The following CNGA3 variants were observed in gnomAD, a reference collection of about 807,000 sequenced individuals.
The protein encoded by CNGA3 is cyclic nucleotide gated channel subunit alpha 3.
A neutral mutation model predicts 46.6 loss-of-function variants in CNGA3; 42 were observed. The ratio of observed to expected loss-of-function variants is 0.90; its 90% CI spans 0.70 to 1.17. The LOEUF (loss-of-function observed/expected upper bound fraction) is 1.17, where lower values mean the gene tolerates loss of function less well. Ranked by LOEUF, CNGA3 falls within the 50% of genes most tolerant of loss-of-function variation. The pLI is 0.00. For missense variants in CNGA3, 893 were observed against 890.7 expected (o/e 1.00, Z -0.03); for synonymous variants, 394 against 369.4 (o/e 1.07, Z -0.76).
rs181276145 is a variant in CNGA3 at position 98,362,954 on chromosome 2, A to T, written c.-37-6985A>T. ...TTTGGTCAGATTTGTTAAAGATCAG[A>T]TGGTTGTAGATGTGTGGTCTTATTT... On this transcript the variant is annotated intron_variant, in intron 1 of 7. Coordinates refer to ENST00000272602, the MANE Select transcript of CNGA3 (RefSeq NM_001298.3). Among the ~76,000 whole-genome samples, 280 of 152,286 alleles carry T rather than the reference A, an allele frequency of 1.8e-3. 1 individual carries two copies. Among genetic ancestry groups the T allele is most frequent in the Middle Eastern group, 6.8e-3 (2 of 294 alleles).
intron 5 of CNGA3, among the ~76,000 whole-genome samples, chr2:98,385,196 A>C (rs1692624713): frequency 6.6e-6 from 1 of 152,164 alleles, no homozygotes; most frequent in Non-Finnish European, 1.5e-5. Context: ...TGCACAAGGC[A>C]AGCTGAGTCC....
chr2:98,347,045 G>C (rs1021312741), intron 1 of CNGA3: 2 of 152,144 alleles, frequency 1.3e-5, no homozygotes, highest in African/African-American at 2.4e-5. Flanking sequence ...CGGGCGCCGC[G>C]TCTTCTCGAG....
At chr2:98,352,702 A>G (rs183222996) in intron 1 of CNGA3, among the ~76,000 whole-genome samples, 1 of 152,270 alleles carries the variant, frequency 6.6e-6, no homozygotes, top group Admixed American at 6.5e-5. Flanking sequence ...GCCACTATTC[A>G]ATCCATTGCG....
chr2:98,395,927 G>T lies in CNGA3; in HGVS notation c.757G>T (p.Val253Leu), dbSNP rs1692900096. Residue 253 changes from valine (V) to leucine (L), a missense_variant, in exon 8 of 8, where the codon GTG (valine) becomes TTG (leucine). Val to Leu is a conservative substitution (Grantham distance 32). This residue lies in a region of CNGA3 where 548 missense variants were observed against 570.8 expected (regional missense o/e 0.96). Transcript: ENST00000272602. Reference protein sequence around the residue: ...YKTTTQFKLDVLSLVPTDLAY... With the variant: ...YKTTTQFKLDLLSLVPTDLAY... ...GACGACCACGCAGTTCAAGCTGGAT[G>T]TGTTGTCCCTGGTCCCCACCGACCT... 6.2e-7 allele frequency: 1 copy of T among 1,614,174 alleles called. No homozygotes were observed. Among genetic ancestry groups the T allele is most frequent in the Admixed American group, 1.7e-5 (1 of 60,018 alleles).
Position 98,391,888 on chromosome 2 carries a change from C to T in CNGA3, c.591C>T (p.Ser197=), listed in dbSNP as rs376876249. ...GGGCCTGTTTCGATGAGCTGCAGTC[C>T]GAGTACCTGATGCTGTGGCTGGTCC... ...ICRACFDELQ[S]EYLMLWLVLD... is the part of the protein sequence containing the mutation. The change falls in exon 7 of 8, where the codon TCC becomes TCT. Residue 197 remains serine, a synonymous_variant. Transcript: ENST00000272602. 1.1e-5 allele frequency: 17 copies of T among 1,614,036 alleles called. No individual in the cohort carries two copies. Among genetic ancestry groups the T allele is most frequent in the East Asian group, 6.7e-5 (3 of 44,898 alleles).
chr2:98,363,482 T>C (rs1183723187), intron 1 of CNGA3, among the ~76,000 whole-genome samples: 2 of 152,228 alleles, frequency 1.3e-5, no homozygotes, highest in Non-Finnish European at 2.9e-5. Flanking sequence ...CTTGTGACTT[T>C]TGTATCCTGA....
intron 4 of CNGA3, among the ~76,000 whole-genome samples, chr2:98,382,584 G>T (rs890604222): frequency 6.6e-6 from 1 of 152,214 alleles, no homozygotes; most frequent in Non-Finnish European, 1.5e-5. Context: ...TCCAGTTCCC[G>T]TGGTCTCCTA....
intron 2 of CNGA3, among the ~76,000 whole-genome samples, chr2:98,372,494 C>T (rs181467741): frequency 6.6e-4 from 100 of 152,206 alleles, no homozygotes; most frequent in Non-Finnish European, 1.2e-3. Context: ...AAAGGTCCTC[C>T]CTTCTCCTTC....
rs75424543 is a variant in CNGA3 at position 98,377,936 on chromosome 2, C to T, written c.215+136C>T. 1.3e-4 allele frequency: 167 copies of T among 1,323,742 alleles called. No individual in the cohort carries two copies. The African/African-American group carries it at 2.4e-3, about 19-fold the overall frequency. 82.0% of individuals were successfully genotyped at this position (1,323,742 alleles called of 1,614,324 possible). Reference sequence around the variant, plus strand: ...AAAGAAAGGGTCAGGAGCAGAGCAGCCTGAAAACTATCAGTGAGTAATTTC... The same window carrying T: ...AAAGAAAGGGTCAGGAGCAGAGCAGTCTGAAAACTATCAGTGAGTAATTTC... On this transcript the variant is annotated intron_variant, in intron 3 of 7. Coordinates refer to ENST00000272602, the MANE Select transcript of CNGA3 (RefSeq NM_001298.3).
At chr2:98,393,733 A>G (rs1692844553) in intron 7 of CNGA3, among the ~76,000 whole-genome samples, 1 of 152,152 alleles carries the variant, frequency 6.6e-6, no homozygotes, top group Admixed American at 6.6e-5. Flanking sequence ...GTGCTTGGGT[A>G]GTACCCTAAG....
In CNGA3 at chr2:98,397,540, GCACACAGGA is replaced by G. The variant is rs1692950582; in HGVS notation, c.*287_*295del. The G allele has an allele frequency of 4.1e-6, 2 of 491,966 alleles. No homozygotes were observed. The highest frequency in any genetic ancestry group is 7.1e-5 in the Admixed American group (2 of 28,052). The allele number at this position is 491,966 out of a possible 1,614,324, so 30.5% of individuals were successfully genotyped here. ...CCCCAGTCCAAGTATATGAAAACGTGCACACAGGACTCTCATTACTTTTTTATGGAATCT... is the reference window on the plus strand; with the variant it reads ...CCCCAGTCCAAGTATATGAAAACGTGCTCTCATTACTTTTTTATGGAATCT... On this transcript the variant is annotated 3_prime_UTR_variant, in exon 8 of 8. Coordinates refer to ENST00000272602, the MANE Select transcript of CNGA3 (RefSeq NM_001298.3).
chr2:98,379,985 C>T, intron 3 of CNGA3, 190 bp from the exon 4 acceptor site: 1 of 661,014 alleles, frequency 1.5e-6, no homozygotes, highest in Non-Finnish European at 2.7e-6. Flanking sequence ...AAACGGTCCC[C>T]ATGGGGCAGA....
intron 1 of CNGA3, among the ~76,000 whole-genome samples, chr2:98,362,123 G>C (rs1277057016): frequency 2.7e-5 from 4 of 149,980 alleles, no homozygotes; most frequent in African/African-American, 9.8e-5. Flanking sequence ...ATGTTTATTA[G>C]CCACATAAAT....
At chr2:98,352,098 A>C (rs1452989676) in intron 1 of CNGA3, among the ~76,000 whole-genome samples, 1 of 152,198 alleles carries the variant, frequency 6.6e-6, no homozygotes, top group Non-Finnish European at 1.5e-5. Flanking sequence ...TTTCATGTAC[A>C]TGAAATTATA....
At chr2:98,371,356 C>T (rs1692282164) in intron 2 of CNGA3, among the ~76,000 whole-genome samples, 1 of 152,160 alleles carries the variant, frequency 6.6e-6, no homozygotes, top group South Asian at 2.1e-4. Context: ...TCATCACTTC[C>T]TCTCCCAAAG....
chr2:98,375,690 A>G (rs1229958456), intron 2 of CNGA3, among the ~76,000 whole-genome samples: 1 of 152,248 alleles, frequency 6.6e-6, no homozygotes, highest in Admixed American at 6.5e-5. Context: ...GTACAGCCAT[A>G]TGGATTACAG....
chr2:98,368,435 C>T (rs1418737995), intron 1 of CNGA3, among the ~76,000 whole-genome samples: 1 of 152,244 alleles, frequency 6.6e-6, no homozygotes, highest in Non-Finnish European at 1.5e-5. Context: ...CTCAGAAATG[C>T]ATCTTCCAGT....
At chr2:98,392,089 G>A (rs1004121380) in intron 7 of CNGA3, 119 bp downstream of exon 7, 11 of 870,038 alleles carry the variant, frequency 1.3e-5, no homozygotes, top group Non-Finnish European at 1.9e-5. Context: ...GCAGGTCTGG[G>A]GACCTCCGAC....
At chr2:98,367,947 T>C (rs1388356795) in intron 1 of CNGA3, among the ~76,000 whole-genome samples, 1 of 152,224 alleles carries the variant, frequency 6.6e-6, no homozygotes, top group Non-Finnish European at 1.5e-5. Flanking sequence ...CCCAAGCTCC[T>C]GGGCACAACC....
Sources: gnomAD v4.1 joint callset for allele counts (sites outside exome capture counted in the v4.1 genomes callset) on GRCh38, gnomAD v4.1.1 for gene constraint, gnomAD v4.1.1 regional missense constraint, MANE v1.5 for transcripts, NCBI Gene and HGNC (gene_info 2026-07-23, HGNC 2026-07-21) for gene names.